The following GNA14 variants were observed in gnomAD, a reference collection of about 807,000 sequenced individuals.
GNA14 encodes G protein subunit alpha 14, also known as guanine nucleotide-binding protein subunit alpha-14.
GNA14 carries 50 observed loss-of-function variants against 42.0 expected under a neutral mutation model. That is an observed-to-expected ratio of 1.19 (90% CI 0.95 to 1.51). The LOEUF (loss-of-function observed/expected upper bound fraction) is 1.51. Among genes scored for constraint, GNA14 ranks in the 40% most tolerant of loss-of-function variants. The probability of loss-of-function intolerance (pLI) is 0.00; values close to 1 mark genes in which losing one functional copy is unlikely to be tolerated. For missense variants in GNA14, 473 were observed against 446.2 expected, an observed-to-expected ratio of 1.06 and a Z score of -0.54; for synonymous variants, 173 against 163.1, an observed-to-expected ratio of 1.06 and a Z score of -0.46.
At chr9:77,512,048 G>A (rs1837179679) in intron 2 of GNA14, among the ~76,000 whole-genome samples, 2 of 152,244 alleles carry the variant, frequency 1.3e-5, no homozygotes, top group South Asian at 4.1e-4. Context: ...AATGGCTCGA[G>A]GTGACAGAGC....
chr9:77,471,547 C>G (rs556779938), intron 2 of GNA14, among the ~76,000 whole-genome samples: 1 of 152,236 alleles, frequency 6.6e-6, no homozygotes, highest in African/African-American at 2.4e-5. Flanking sequence ...ATAACAGCAT[C>G]ATTATGAGAA....
intron 1 of GNA14, among the ~76,000 whole-genome samples, chr9:77,639,177 G>A (rs575797018): frequency 6.6e-6 from 1 of 152,148 alleles, no homozygotes; most frequent in Non-Finnish European, 1.5e-5. Context: ...CTTACCTTCT[G>A]GGGGAAGAGT....
chr9:77,487,517 C>A (rs1344521861), intron 2 of GNA14, among the ~76,000 whole-genome samples: 2 of 151,994 alleles, frequency 1.3e-5, no homozygotes, highest in East Asian at 3.9e-4. Flanking sequence ...CCAAATAAGC[C>A]AGTATGTAAA....
At chr9:77,575,281 C>G (rs541370994) in intron 1 of GNA14, among the ~76,000 whole-genome samples, 4 of 152,076 alleles carry the variant, frequency 2.6e-5, no homozygotes, top group Non-Finnish European at 4.4e-5. Flanking sequence ...TACTCAGAAG[C>G]GGAGGCAGGA....
chr9:77,517,123 G>C (rs1047377132), intron 2 of GNA14, among the ~76,000 whole-genome samples: 3 of 152,180 alleles, frequency 2.0e-5, no homozygotes, highest in African/African-American at 7.2e-5. Flanking sequence ...AAATTTAACA[G>C]AAATCAAGCA....
At chr9:77,610,579 T>C (rs539462599) in intron 1 of GNA14, among the ~76,000 whole-genome samples, 3 of 152,174 alleles carry the variant, frequency 2.0e-5, no homozygotes, top group Admixed American at 1.3e-4. Flanking sequence ...CATTGAGAAT[T>C]AGAGTTTTAA....
At chr9:77,588,521 TGTCTGACAG>T (rs1306256658) in intron 1 of GNA14, among the ~76,000 whole-genome samples, 2 of 152,124 alleles carry the variant, frequency 1.3e-5, no homozygotes, top group African/African-American at 4.8e-5. Flanking sequence ...GCTTAGGAAG[TGTCTGACAG>T]CTGAATGAGT....
At chr9:77,526,812 TA>T (rs1837446685) in intron 2 of GNA14, 1 of 152,078 alleles carries the variant, frequency 6.6e-6, no homozygotes, top group South Asian at 2.1e-4. Flanking sequence ...TAACACAGAT[TA>T]GGGGGCAAAC....
In GNA14 at chr9:77,597,103, C is replaced by G. The variant is rs764204048; in HGVS notation, c.124+50567G>C. Among the ~76,000 whole-genome samples the G allele has an allele frequency of 4.1e-4, 63 of 152,150 alleles. 1 individual carries two copies. The highest frequency in any genetic ancestry group is 3.2e-3 in the Middle Eastern group (1 of 316). The stretch of plus-strand genomic sequence containing the variant: ...ACTTTCTAAATTAACTGAGACCTGT[C>G]TTAGATTTTCTGGGTTCACAGAAAC... On this transcript the variant is annotated intron_variant, in intron 1 of 6. Coordinates refer to ENST00000341700, the MANE Select transcript of GNA14 (RefSeq NM_004297.4).
chr9:77,473,311 G>T (rs1375780779), intron 2 of GNA14, among the ~76,000 whole-genome samples: 1 of 152,054 alleles, frequency 6.6e-6, no homozygotes, highest in Non-Finnish European at 1.5e-5. Context: ...ACAAAAATTA[G>T]CTGGGTGTGG....
intron 2 of GNA14, among the ~76,000 whole-genome samples, chr9:77,437,828 A>G (rs1835663990): frequency 6.6e-6 from 1 of 152,152 alleles, no homozygotes; most frequent in South Asian, 2.1e-4. Context: ...GGCACGAGTG[A>G]GCAATCAACT....
intron 2 of GNA14, among the ~76,000 whole-genome samples, chr9:77,489,695 C>T (rs1426235618): frequency 6.6e-6 from 1 of 151,706 alleles, no homozygotes. Context: ...CAGACCTTCG[C>T]GGTGAGTGTT....
intron 1 of GNA14, among the ~76,000 whole-genome samples, chr9:77,634,655 T>C (rs1380055175): frequency 6.6e-6 from 1 of 152,194 alleles, no homozygotes; most frequent in African/African-American, 2.4e-5. Context: ...TCTGGAATTC[T>C]CCAATTTTCC....
chr9:77,431,788 A>G (rs947036242), intron 3 of GNA14: 1 of 215,794 alleles, frequency 4.6e-6, no homozygotes, highest in East Asian at 1.0e-4. Flanking sequence ...GCTCTCTCCA[A>G]CACCCCATCT....
intron 2 of GNA14, among the ~76,000 whole-genome samples, chr9:77,509,786 G>GTACATT (rs1837129840): frequency 6.6e-6 from 1 of 151,980 alleles, no homozygotes; most frequent in African/African-American, 2.4e-5. Flanking sequence ...TGACAAAAAC[G>GTACATT]GCAATTACTT....
chr9:77,647,182 A>ATATC (rs1491248559), intron 1 of GNA14, among the ~76,000 whole-genome samples: 1 of 152,190 alleles, frequency 6.6e-6, no homozygotes, highest in Non-Finnish European at 1.5e-5. Context: ...TAGAATAGCG[A>ATATC]TATCACCTGC....
chr9:77,498,419 C>G (rs1836911825), intron 2 of GNA14, among the ~76,000 whole-genome samples: 1 of 150,538 alleles, frequency 6.6e-6, no homozygotes, highest in South Asian at 2.1e-4. Flanking sequence ...CAAGCTGCAC[C>G]AGGGCAAGAA....
intron 2 of GNA14, among the ~76,000 whole-genome samples, chr9:77,481,855 G>A (rs933951608): frequency 2.6e-5 from 4 of 152,068 alleles, no homozygotes; most frequent in African/African-American, 9.7e-5. Context: ...TGTTTTATCA[G>A]AGACTAGGAT....
intron 1 of GNA14, among the ~76,000 whole-genome samples, chr9:77,554,694 C>T (rs1316644230): frequency 2.0e-5 from 3 of 152,182 alleles, no homozygotes; most frequent in African/African-American, 7.2e-5. Context: ...AACTGAGCTG[C>T]ACTGTAATTC....
Sources: gnomAD v4.1 joint callset for allele counts (sites outside exome capture counted in the v4.1 genomes callset) on GRCh38, gnomAD v4.1.1 for gene constraint, MANE v1.5 for transcripts, NCBI Gene and HGNC (gene_info 2026-07-23, HGNC 2026-07-21) for gene names.